The following FLT4 variants were observed in gnomAD, a reference collection of about 807,000 sequenced individuals.
The protein encoded by FLT4 is vascular endothelial growth factor receptor 3.
Under a neutral mutation model 163.2 loss-of-function variants are expected in FLT4, and 30 were observed. The observed-to-expected ratio is 0.18, with a 90% CI of 0.14 to 0.25. The LOEUF (loss-of-function observed/expected upper bound fraction) is 0.25, where lower values mean the gene tolerates loss of function less well. Ranked by LOEUF, FLT4 falls within the 10% of genes least tolerant of loss-of-function variation. The pLI, the probability that FLT4 is intolerant of heterozygous loss-of-function variation, is 1.00. For missense variants in FLT4, 1,510 were observed against 1,863.8 expected (o/e 0.81, Z 3.50); for synonymous variants, 884 against 789.5 (o/e 1.12, Z -2.01).
At chr5:180,640,228 C>T (rs1012829981) in intron 1 of FLT4, among the ~76,000 whole-genome samples, 4 of 152,148 alleles carry the variant, frequency 2.6e-5, no homozygotes, top group African/African-American at 9.7e-5. Context: ...CGGCCGGCTG[C>T]GACTGCCTCA....
At chr5:180,622,684 C>G (rs1480251283) in intron 12 of FLT4, 47 bp downstream of exon 12, 1 of 1,233,534 alleles carries the variant, frequency 8.1e-7, no homozygotes, top group East Asian at 2.3e-5. Context: ...AACCTGCCCC[C>G]TCCTGACCCT....
At position 180,621,587 on chromosome 5, in the gene FLT4, G is replaced by C. The variant is rs764133819; in HGVS notation, c.1975C>G (p.Arg659Gly). 22 of 1,611,544 alleles carry C rather than the reference G, an allele frequency of 1.4e-5. 1 individual carries two copies. In the South Asian group the frequency reaches 1.6e-4, roughly 12 times the overall value. The change falls in exon 13 of 30, where the codon CGC (arginine) becomes GGC (glycine). Residue 659 changes from arginine to glycine, a missense_variant. Coordinates refer to ENST00000261937, the MANE Select transcript of FLT4 (RefSeq NM_182925.5). The stretch of plus-strand genomic sequence containing the variant: ...TTGTGGCAGTGCTTGTCATGGCTGC[G>C]CCGGTCTTGCACTTCGCACACATAG... ...GHYVCEVQDR[R>G]SHDKHCHKKY...
Position 180,630,234 on chromosome 5 carries a change from C to A in FLT4, c.504G>T (p.Thr168=), listed in dbSNP as rs145513301. The A allele has an allele frequency of 1.2e-6, 2 of 1,612,044 alleles. No homozygotes were observed. Among genetic ancestry groups the A allele is most frequent in the Non-Finnish European group, 1.7e-6 (2 of 1,179,540 alleles). ...CLVSIPGLNV[T]LRSQSSVLWP... ...TGGGGTGGGGCCGTACCGAGCGCAG[C>A]GTGACATTGAGGCCGGGGATGGACA... The change falls in exon 4 of 30, where the codon ACG becomes ACT. Residue 168 remains threonine, a synonymous_variant. Transcript: ENST00000261937. The surrounding 1 kb of genome is among the most constrained non-coding windows in gnomAD (Gnocchi z 6.3).
rs1310057474 is a variant in FLT4 at position 180,620,424 on chromosome 5, G to C, written c.2407-116C>G. The C allele has an allele frequency of 1.4e-6, 2 of 1,394,510 alleles. No individual in the cohort carries two copies. The highest frequency in any genetic ancestry group is 1.0e-6 in the Non-Finnish European group (1 of 990,782). 86.4% of individuals were successfully genotyped at this position (1,394,510 alleles called of 1,614,324 possible). A position where few individuals can be genotyped will look rare whatever the true frequency, so the allele number is the denominator to read the frequency against. ...ACTTCCTGCGGGGTTCTCAGTCAAG[G>C]AGGGGACAGAAAAAAAGACAGACAA... is the stretch of plus-strand genomic sequence containing the variant. On this transcript the variant is annotated intron_variant, in intron 16 of 29. Transcript: ENST00000261937. The surrounding 1 kb of genome is among the most constrained non-coding windows in gnomAD (Gnocchi z 4.4).
intron 29 of FLT4, among the ~76,000 whole-genome samples, chr5:180,604,987 G>T (rs545795753): frequency 1.3e-5 from 2 of 152,232 alleles, no homozygotes; most frequent in East Asian, 3.9e-4. Flanking sequence ...CCAAAATGGG[G>T]GCTTGCTGTG....
intron 28 of FLT4, 100 bp downstream of exon 28, chr5:180,609,805 T>C (rs898661217): frequency 2.1e-5 from 31 of 1,443,192 alleles, no homozygotes; most frequent in South Asian, 1.8e-4. Context: ...GGACAGTCGT[T>C]GGGTTCTGCC....
chr5:180,628,621 G>A (rs909125143), intron 8 of FLT4, among the ~76,000 whole-genome samples: 3 of 152,304 alleles, frequency 2.0e-5, no homozygotes, highest in African/African-American at 4.8e-5. Flanking sequence ...AAAGCCCCTC[G>A]CTGTGCCCAC....
intron 18 of FLT4, 137 bp downstream of exon 18, chr5:180,619,528 C>T (rs1419299444): frequency 2.0e-6 from 2 of 984,366 alleles, no homozygotes; most frequent in African/African-American, 1.6e-5. Flanking sequence ...CTCTGAAGCC[C>T]GCAGCCTCCC....
intron 1 of FLT4, among the ~76,000 whole-genome samples, chr5:180,634,692 C>T (rs1236974742): frequency 1.9e-4 from 3 of 15,666 alleles, no homozygotes; most frequent in African/African-American, 3.5e-4. Flanking sequence ...AAGACTCCGT[C>T]TCAAAAAAAA....
At chr5:180,608,018 C>G in intron 29 of FLT4, 1 of 690,196 alleles carries the variant, frequency 1.4e-6, no homozygotes, top group African/African-American at 1.8e-5. Flanking sequence ...TCAGGGAACA[C>G]TCTGCTCCAC....
At chr5:180,648,778 G>T (rs1296290502) in intron 1 of FLT4, among the ~76,000 whole-genome samples, 2 of 152,130 alleles carry the variant, frequency 1.3e-5, no homozygotes, top group Non-Finnish European at 2.9e-5. Context: ...GGACCCTCCC[G>T]CGGGGGCCTC....
intron 8 of FLT4, among the ~76,000 whole-genome samples, chr5:180,627,035 C>T (rs1384984393): frequency 5.9e-5 from 9 of 152,184 alleles, no homozygotes; most frequent in East Asian, 3.9e-4. Flanking sequence ...TGCAGAGTTG[C>T]GCCCAGATGC....
At chr5:180,621,473 CG>C in intron 13 of FLT4, 68 bp downstream of exon 13, 1 of 1,582,890 alleles carries the variant, frequency 6.3e-7, no homozygotes, top group Non-Finnish European at 8.6e-7. Flanking sequence ...CGAGCCACGC[CG>C]GGGCAAAGGC....
At chr5:180,642,227 A>G in intron 1 of FLT4, among the ~76,000 whole-genome samples, 1 of 150,890 alleles carries the variant, frequency 6.6e-6, no homozygotes, top group East Asian at 1.9e-4. Context: ...AAAAAAGAAT[A>G]AGCTGTCTCT....
At chr5:180,625,764 T>C in intron 10 of FLT4, 105 bp downstream of exon 10, 1 of 1,060,348 alleles carries the variant, frequency 9.4e-7, no homozygotes, top group South Asian at 1.3e-5. Context: ...TGAGAAGGGG[T>C]ACAGGGAAGA....
intron 10 of FLT4, among the ~76,000 whole-genome samples, chr5:180,624,990 C>T (rs542255093): frequency 8.9e-4 from 136 of 152,320 alleles, no homozygotes; most frequent in Non-Finnish European, 1.6e-3. Flanking sequence ...AGCTGCATGC[C>T]GCACGATCTA....
chr5:180,619,576 C>A lies in FLT4; in HGVS notation c.2647+89G>T, dbSNP rs1033290259. 2.6e-6 allele frequency: 3 copies of A among 1,132,422 alleles called. No individual in the cohort carries two copies. In the African/African-American group the frequency reaches 4.6e-5, roughly 17 times the overall value. The allele number at this position is 1,132,422 out of a possible 1,614,324, so 70.1% of individuals were successfully genotyped here. On this transcript the variant is annotated intron_variant, in intron 18 of 29. Transcript: ENST00000261937. ...GATGAGACTGGCTTCCAGCCTCAGT[C>A]TCCCTTCCCGAGTTGCCGTCCCACC...
At position 180,621,384 on chromosome 5, in the gene FLT4, G is replaced by T. The variant is rs1763130412; in HGVS notation, c.2021-132C>A. 47 of 1,394,712 alleles carry T rather than the reference G, an allele frequency of 3.4e-5. No individual in the cohort carries two copies. The South Asian group carries it at 6.2e-4, about 18-fold the overall frequency. 86.4% of individuals were successfully genotyped at this position (1,394,712 alleles called of 1,614,324 possible). A position where few individuals can be genotyped will look rare whatever the true frequency, so the allele number is the denominator to read the frequency against. ...GGGTTGTGCGCCGGGCAGGAGCGCG[G>T]CGCGCCTCCGCAGGGGGCGGCGGAT... On this transcript the variant is annotated intron_variant, in intron 13 of 29. Coordinates refer to ENST00000261937, the MANE Select transcript of FLT4 (RefSeq NM_182925.5).
chr5:180,612,782 C>T (rs1762316532), intron 25 of FLT4, among the ~76,000 whole-genome samples, 171 bp from the exon 26 acceptor site: 1 of 152,096 alleles, frequency 6.6e-6, no homozygotes, highest in South Asian at 2.1e-4. Context: ...AGCGTCCCCT[C>T]CTGGTGATGC....
Sources: gnomAD v4.1 joint callset for allele counts (sites outside exome capture counted in the v4.1 genomes callset) on GRCh38, gnomAD v4.1.1 for gene constraint, Gnocchi (gnomAD v3.1) non-coding constraint, MANE v1.5 for transcripts, NCBI Gene and HGNC (gene_info 2026-07-23, HGNC 2026-07-21) for gene names.